The following SLFN12L variants were observed in gnomAD, a reference collection of about 807,000 sequenced individuals.
SLFN12L encodes schlafen family member 12 like.
SLFN12L carries 34 observed loss-of-function variants against 34.8 expected under a neutral mutation model. That is an observed-to-expected ratio of 0.98 (90% CI 0.74 to 1.30). SLFN12L has a LOEUF of 1.30. Among genes scored for constraint, SLFN12L ranks in the 50% most tolerant of loss-of-function variants. The pLI is 0.00. For missense variants in SLFN12L, 703 were observed against 696.2 expected, an observed-to-expected ratio of 1.01 and a Z score of -0.11; for synonymous variants, 259 against 247.5, an observed-to-expected ratio of 1.05 and a Z score of -0.44.
chr17:35,495,476 C>T (rs943220991), intron 2 of SLFN12L, among the ~76,000 whole-genome samples: 2 of 152,200 alleles, frequency 1.3e-5, no homozygotes, highest in Admixed American at 1.3e-4. Context: ...AGAGTGAAGG[C>T]TCTGTGCACT....
Position 35,522,509 on chromosome 17 carries a change from G to T in SLFN12L, c.-145C>A. 4 of 1,613,032 alleles carry T rather than the reference G, an allele frequency of 2.5e-6. No individual in the cohort carries two copies. The highest frequency in any genetic ancestry group is 3.4e-6 in the Non-Finnish European group (4 of 1,179,446). On this transcript the variant is annotated 5_prime_UTR_variant, in exon 2 of 5. Transcript: ENST00000628453. Reference sequence around the variant, plus strand: ...CCTCATAGCTGCACAGGTCACTCAAGAGAGACCTGAAGCCGAGCAAGACAA... The same window carrying T: ...CCTCATAGCTGCACAGGTCACTCAATAGAGACCTGAAGCCGAGCAAGACAA...
At chr17:35,485,092 T>C (rs1914526282) in intron 2 of SLFN12L, among the ~76,000 whole-genome samples, 1 of 152,214 alleles carries the variant, frequency 6.6e-6, no homozygotes, top group Non-Finnish European at 1.5e-5. Context: ...TTCTTTCTTT[T>C]TTGATTTTAG....
chr17:35,489,304 G>A (rs527367205), intron 2 of SLFN12L, among the ~76,000 whole-genome samples: 2 of 152,100 alleles, frequency 1.3e-5, no homozygotes, highest in Non-Finnish European at 2.9e-5. Context: ...TATTATCCCA[G>A]CACTTTGAGC....
chr17:35,487,676 TGTA>T, intron 2 of SLFN12L: 1 of 1,522,504 alleles, frequency 6.6e-7, no homozygotes, highest in Non-Finnish European at 8.8e-7. Flanking sequence ...TGTACCTATT[TGTA>T]TTTTCTAAGG....
intron 2 of SLFN12L, among the ~76,000 whole-genome samples, chr17:35,518,918 A>G (rs942647874): frequency 5.9e-5 from 9 of 152,226 alleles, no homozygotes; most frequent in African/African-American, 2.2e-4. Flanking sequence ...CTGCAGCACT[A>G]TTTACAATAG....
chr17:35,518,039 C>G (rs756058371), intron 2 of SLFN12L, among the ~76,000 whole-genome samples: 3 of 152,122 alleles, frequency 2.0e-5, no homozygotes, highest in Non-Finnish European at 2.9e-5. Context: ...CTAAAATTGA[C>G]AAATGGGATC....
At chr17:35,496,532 C>A (rs999147546) in intron 2 of SLFN12L, among the ~76,000 whole-genome samples, 1 of 151,316 alleles carries the variant, frequency 6.6e-6, no homozygotes, top group Admixed American at 6.6e-5. Flanking sequence ...CCTCCGGCCC[C>A]TCCTTTCCCT....
At chr17:35,502,642 C>T (rs947241862) in intron 2 of SLFN12L, among the ~76,000 whole-genome samples, 1 of 150,142 alleles carries the variant, frequency 6.7e-6, no homozygotes, top group South Asian at 2.1e-4. Context: ...TTAGTTTGGA[C>T]TAAACAAGGT....
At chr17:35,532,362 C>G (rs1445262403) in intron 1 of SLFN12L, among the ~76,000 whole-genome samples, 1 of 151,208 alleles carries the variant, frequency 6.6e-6, no homozygotes, top group African/African-American at 2.4e-5. Context: ...ATTGCTTGGA[C>G]CTGGGAGTTG....
intron 2 of SLFN12L, chr17:35,490,352 C>G: frequency 4.5e-6 from 6 of 1,344,224 alleles, no homozygotes; most frequent in Admixed American, 1.7e-5. Flanking sequence ...AGAAAAAACA[C>G]GGTACGATAG....
intron 1 of SLFN12L, among the ~76,000 whole-genome samples, chr17:35,529,943 A>G (rs997119916): frequency 6.6e-6 from 1 of 151,890 alleles, no homozygotes; most frequent in African/African-American, 2.4e-5. Context: ...AATAGATTAG[A>G]AAAGAAAAAA....
intron 2 of SLFN12L, chr17:35,490,675 C>T: frequency 9.2e-7 from 1 of 1,083,500 alleles, no homozygotes; most frequent in Non-Finnish European, 1.4e-6. Flanking sequence ...GGACCTCAAA[C>T]TATTAACCGA....
intron 2 of SLFN12L, among the ~76,000 whole-genome samples, chr17:35,488,477 C>T (rs1022359018): frequency 2.0e-5 from 3 of 152,194 alleles, no homozygotes; most frequent in Non-Finnish European, 4.4e-5. Flanking sequence ...CCAGTGGCTC[C>T]TCTAACTGGA....
At chr17:35,485,069 A>C (rs949241475) in intron 2 of SLFN12L, among the ~76,000 whole-genome samples, 1 of 152,222 alleles carries the variant, frequency 6.6e-6, no homozygotes, top group African/African-American at 2.4e-5. Context: ...TATAAAATCA[A>C]TAGTAATGTC....
chr17:35,508,713 CTTCTCTTTTCCTTGGAGACAG>C (rs1178037591), intron 2 of SLFN12L, among the ~76,000 whole-genome samples: 4 of 152,092 alleles, frequency 2.6e-5, no homozygotes, highest in Admixed American at 1.3e-4. Context: ...AATTTTCAAA[CTTCTCTTTTCCTTGGAGACAG>C]TTCTCTTTTC....
intron 2 of SLFN12L, among the ~76,000 whole-genome samples, chr17:35,481,673 C>T (rs376108774): frequency 7.2e-4 from 109 of 152,308 alleles, no homozygotes; most frequent in African/African-American, 2.4e-3. Flanking sequence ...GGGCCACTAC[C>T]AGGCTCCGCA....
chr17:35,470,101 T>C lies in SLFN12L; in HGVS notation c.*4822A>G, dbSNP rs906722840. 1 of 152,228 alleles carries C rather than the reference T, an allele frequency of 6.6e-6. No individual in the cohort carries two copies. The highest frequency in any genetic ancestry group is 2.4e-5 in the African/African-American group (1 of 41,432). The allele number at this position is 152,228 out of a possible 1,614,324, so 9.4% of individuals were successfully genotyped here. A position where few individuals can be genotyped will look rare whatever the true frequency, so the allele number is the denominator to read the frequency against. Reference sequence around the variant, plus strand: ...GTTGACACTCAGTCACCTCCATAAATCAAAACTTCAAGAGTACATTTTCAT... The same window carrying C: ...GTTGACACTCAGTCACCTCCATAAACCAAAACTTCAAGAGTACATTTTCAT... On this transcript the variant is annotated 3_prime_UTR_variant, in exon 5 of 5. Transcript: ENST00000628453.
chr17:35,504,752 G>A (rs1056556702), intron 2 of SLFN12L, among the ~76,000 whole-genome samples: 8 of 152,202 alleles, frequency 5.3e-5, no homozygotes, highest in Non-Finnish European at 8.8e-5. Flanking sequence ...TGTCTCTCAC[G>A]ACAGGGAGGA....
At chr17:35,492,555 T>C (rs1914877777) in intron 2 of SLFN12L, among the ~76,000 whole-genome samples, 1 of 152,178 alleles carries the variant, frequency 6.6e-6, no homozygotes. Context: ...GCTGGAATAG[T>C]TCTGGCCAGA....
Sources: allele counts gnomAD v4.1 joint callset (sites outside exome capture counted in the v4.1 genomes callset), GRCh38; gene constraint gnomAD v4.1.1; transcripts MANE v1.5; gene names NCBI Gene and HGNC (gene_info 2026-07-23, HGNC 2026-07-21).